Variants in HS6ST3 observed in about 807,000 individuals in gnomAD.
HS6ST3 encodes heparan-sulfate 6-O-sulfotransferase 3.
Under a neutral mutation model 36.7 loss-of-function variants are expected in HS6ST3, and 12 were observed. The ratio of observed to expected loss-of-function variants is 0.33; its 90% CI spans 0.21 to 0.53. The LOEUF is 0.53. Ranked by LOEUF, HS6ST3 falls within the 20% of genes least tolerant of loss-of-function variation. The pLI, the probability that HS6ST3 is intolerant of heterozygous loss-of-function variation, is 0.95. For synonymous variants in HS6ST3, 240 were observed against 257.5 expected (o/e 0.93, Z 0.65); for missense variants, 584 against 640.9 (o/e 0.91, Z 0.96).
At chr13:96,143,460 A>G (rs2054042045) in intron 1 of HS6ST3, among the ~76,000 whole-genome samples, 2 of 148,988 alleles carry the variant, frequency 1.3e-5, no homozygotes, top group Middle Eastern at 3.6e-3. Context: ...AATATATAAT[A>G]TATATTTTAA....
intron 1 of HS6ST3, among the ~76,000 whole-genome samples, chr13:96,488,640 G>T (rs1327777415): frequency 6.6e-6 from 1 of 152,048 alleles, no homozygotes; most frequent in Non-Finnish European, 1.5e-5. Context: ...TTAGGAAAAT[G>T]CACTTGGTGG....
chr13:96,188,420 G>T (rs1362239650), intron 1 of HS6ST3, among the ~76,000 whole-genome samples: 1 of 142,334 alleles, frequency 7.0e-6, no homozygotes, highest in Non-Finnish European at 1.5e-5. Context: ...TTCAAGATCG[G>T]CCTGAGCAAC....
chr13:96,355,397 ACACACAAACACAC>A (rs1342877234), intron 1 of HS6ST3, among the ~76,000 whole-genome samples: 1 of 142,718 alleles, frequency 7.0e-6, no homozygotes, highest in Non-Finnish European at 1.5e-5. Flanking sequence ...ACACACACAC[ACACACAAACACAC>A]AAACACACAC....
At chr13:96,697,171 A>ATGTG (rs113784098) in intron 1 of HS6ST3, among the ~76,000 whole-genome samples, 2 of 150,394 alleles carry the variant, frequency 1.3e-5, no homozygotes, top group East Asian at 1.9e-4. Context: ...AAATGTATAG[A>ATGTG]TGTGTGTGTG....
intron 1 of HS6ST3, among the ~76,000 whole-genome samples, chr13:96,209,783 C>T (rs1030510880): frequency 1.3e-5 from 2 of 152,166 alleles, no homozygotes; most frequent in African/African-American, 4.8e-5. Context: ...GCTTCTGTCT[C>T]CTTGGTGTTC....
At chr13:96,113,945 A>C (rs1025536425) in intron 1 of HS6ST3, among the ~76,000 whole-genome samples, 1 of 152,152 alleles carries the variant, frequency 6.6e-6, no homozygotes, top group Non-Finnish European at 1.5e-5. Context: ...TTATGCCCCC[A>C]TTAAAATGAT....
chr13:96,151,903 T>G (rs1052173560), intron 1 of HS6ST3, among the ~76,000 whole-genome samples: 4 of 152,192 alleles, frequency 2.6e-5, no homozygotes, highest in Non-Finnish European at 5.9e-5. Flanking sequence ...AGGATACTTC[T>G]CGTAGTGGAT....
At chr13:96,114,107 G>A (rs1490279589) in intron 1 of HS6ST3, among the ~76,000 whole-genome samples, 1 of 151,480 alleles carries the variant, frequency 6.6e-6, no homozygotes, top group Non-Finnish European at 1.5e-5. Flanking sequence ...GAAAATGTGG[G>A]TAATTTTAAT....
intron 1 of HS6ST3, among the ~76,000 whole-genome samples, chr13:96,746,739 A>G (rs1022748359): frequency 4.6e-5 from 7 of 152,094 alleles, no homozygotes; most frequent in Non-Finnish European, 8.8e-5. Context: ...TTACATCAAG[A>G]TATCCCCTGG....
At chr13:96,677,719 A>G (rs1026176779) in intron 1 of HS6ST3, among the ~76,000 whole-genome samples, 4 of 152,064 alleles carry the variant, frequency 2.6e-5, no homozygotes, top group African/African-American at 2.4e-5. Flanking sequence ...CTCAATTCTT[A>G]TATTTATCTT....
chr13:96,762,603 G>T (rs902156988), intron 1 of HS6ST3, among the ~76,000 whole-genome samples: 14 of 152,284 alleles, frequency 9.2e-5, no homozygotes, highest in African/African-American at 3.4e-4. Flanking sequence ...TCTCTCGTGG[G>T]TTGGTTCTGT....
chr13:96,308,255 A>G (rs2054923348), intron 1 of HS6ST3, among the ~76,000 whole-genome samples: 1 of 152,144 alleles, frequency 6.6e-6, no homozygotes, highest in South Asian at 2.1e-4. Flanking sequence ...CTTCACTGAA[A>G]GCATTTGCAA....
At chr13:96,338,359 G>T (rs2055112318) in intron 1 of HS6ST3, among the ~76,000 whole-genome samples, 1 of 152,176 alleles carries the variant, frequency 6.6e-6, no homozygotes, top group Non-Finnish European at 1.5e-5. Flanking sequence ...GCTACTAAGG[G>T]AAGGGGACCC....
At chr13:96,357,557 TCAC>T (rs1345179009) in intron 1 of HS6ST3, among the ~76,000 whole-genome samples, 1 of 149,664 alleles carries the variant, frequency 6.7e-6, no homozygotes, top group African/African-American at 2.4e-5. Context: ...CTGATTAAGT[TCAC>T]CATCTATTTA....
intron 1 of HS6ST3, among the ~76,000 whole-genome samples, chr13:96,486,977 C>T (rs2138902391): frequency 6.6e-6 from 1 of 152,204 alleles, no homozygotes; most frequent in African/African-American, 2.4e-5. Context: ...GATAGGCTGA[C>T]TGGGAACTCG....
At chr13:96,310,647 A>G (rs965326683) in intron 1 of HS6ST3, among the ~76,000 whole-genome samples, 2 of 84,206 alleles carry the variant, frequency 2.4e-5, no homozygotes, top group African/African-American at 9.6e-5. Flanking sequence ...CTCCTTCTCT[A>G]TGTCCCTCCC....
intron 1 of HS6ST3, among the ~76,000 whole-genome samples, chr13:96,395,341 A>G (rs573568979): frequency 5.4e-4 from 82 of 152,350 alleles, no homozygotes; most frequent in African/African-American, 1.7e-3. Context: ...ATTTATCTTT[A>G]ATAGCAGACT....
chr13:96,291,265 A>C (rs1413474363), intron 1 of HS6ST3, among the ~76,000 whole-genome samples: 3 of 152,190 alleles, frequency 2.0e-5, no homozygotes, highest in Non-Finnish European at 4.4e-5. Flanking sequence ...GATGCTCAAT[A>C]AATATTTGTT....
At chr13:96,590,256 C>A (rs958356507) in intron 1 of HS6ST3, among the ~76,000 whole-genome samples, 1 of 152,026 alleles carries the variant, frequency 6.6e-6, no homozygotes, top group Middle Eastern at 3.2e-3. Flanking sequence ...TTTTGAGGAA[C>A]CTCCAAACTG....
Sources: gnomAD v4.1 joint callset for allele counts (sites outside exome capture counted in the v4.1 genomes callset) on GRCh38, gnomAD v4.1.1 for gene constraint, MANE v1.5 for transcripts, NCBI Gene and HGNC (gene_info 2026-07-23, HGNC 2026-07-21) for gene names.